SPIRE2: variants seen among roughly 807,000 people sequenced by gnomAD.
SPIRE2 encodes the protein protein spire homolog 2.
In SPIRE2, 76 loss-of-function variants were observed where a neutral mutation model predicts 80.7. That is an observed-to-expected ratio of 0.94 (90% CI 0.78 to 1.14). The LOEUF (loss-of-function observed/expected upper bound fraction) is 1.14, where lower values mean the gene tolerates loss of function less well. SPIRE2 is among the 50% of genes most tolerant of loss of function. The pLI, the probability that SPIRE2 is intolerant of heterozygous loss-of-function variation, is 0.00. For missense variants in SPIRE2, 1,196 were observed against 1,015.3 expected (o/e 1.18, Z -2.42); for synonymous variants, 535 against 432.6 (o/e 1.24, Z -2.94).
In SPIRE2 at chr16:89,858,515, C is replaced by T; in HGVS notation, c.1272+8C>T. ...GAGATGAATACATCTGAGGTCAGAA[C>T]CCATGGGGATTCCTGAAAAGAGACC... On this transcript the variant is annotated splice_region_variant and intron_variant, in intron 8 of 14. Coordinates refer to ENST00000378247, the MANE Select transcript of SPIRE2 (RefSeq NM_032451.2). The T allele has an allele frequency of 6.4e-7, 1 of 1,554,000 alleles. No homozygotes were observed. Among genetic ancestry groups the T allele is most frequent in the Non-Finnish European group, 8.7e-7 (1 of 1,150,312 alleles).
chr16:89,829,697 T>C (rs972217881), intron 1 of SPIRE2, among the ~76,000 whole-genome samples: 1 of 151,590 alleles, frequency 6.6e-6, no homozygotes, highest in Non-Finnish European at 1.5e-5. Flanking sequence ...CTTCACCAGG[T>C]CCTGCTCATC....
In SPIRE2 at chr16:89,831,608, A is replaced by G. The variant is rs1046968161; in HGVS notation, c.244+2814A>G. Reference sequence around the variant, plus strand: ...GAGACTGGGTTTCACTGTGTTAGCCAGAATGGTCTCGATCTCCTGACCTCA... The same window carrying G: ...GAGACTGGGTTTCACTGTGTTAGCCGGAATGGTCTCGATCTCCTGACCTCA... On this transcript the variant is annotated intron_variant, in intron 1 of 14. Transcript: ENST00000378247. Among the ~76,000 whole-genome samples, 15 of 150,442 alleles carry G rather than the reference A, an allele frequency of 1.0e-4. 1 individual carries two copies. The highest frequency in any genetic ancestry group is 1.9e-4 in the Non-Finnish European group (13 of 67,110).
intron 12 of SPIRE2, among the ~76,000 whole-genome samples, chr16:89,865,672 T>A (rs1014000333): frequency 6.6e-6 from 1 of 151,970 alleles, no homozygotes; most frequent in African/African-American, 2.4e-5. Context: ...CCAGACTGAA[T>A]AAAAAAGTAA....
At chr16:89,869,053 A>AAAAAAACAAACATATATAT in intron 13 of SPIRE2, among the ~76,000 whole-genome samples, 1 of 24,036 alleles carries the variant, frequency 4.2e-5, no homozygotes, top group African/African-American at 1.6e-4. Context: ...AAAAAAAAAA[A>AAAAAAACAAACATATATAT]ATATATATAT....
intron 7 of SPIRE2, 120 bp from the exon 8 acceptor site, chr16:89,858,218 C>T (rs2041710028): frequency 5.5e-6 from 6 of 1,083,350 alleles, no homozygotes; most frequent in Non-Finnish European, 7.8e-6. Context: ...CTGGCTAGCC[C>T]TCAGTTTCCC....
At chr16:89,854,400 C>T (rs528678783) in intron 4 of SPIRE2, 34 bp downstream of exon 4, 122 of 1,610,570 alleles carry the variant, frequency 7.6e-5, no homozygotes, top group African/African-American at 1.6e-4. Flanking sequence ...GGGCCACTGA[C>T]GCGGCCCAGC....
intron 1 of SPIRE2, among the ~76,000 whole-genome samples, chr16:89,835,099 A>G (rs2041433769): frequency 1.3e-5 from 2 of 149,288 alleles, no homozygotes; most frequent in African/African-American, 5.0e-5. Context: ...GCCGTCGTAG[A>G]AGCCTAGATA....
chr16:89,828,939 C>T lies in SPIRE2; in HGVS notation c.244+145C>T. 3 of 505,074 alleles carry T rather than the reference C, an allele frequency of 5.9e-6. No homozygotes were observed. Among genetic ancestry groups the T allele is most frequent in the Non-Finnish European group, 8.6e-6 (3 of 349,598 alleles). The allele number at this position is 505,074 out of a possible 1,614,324, so 31.3% of individuals were successfully genotyped here. A position where few individuals can be genotyped will look rare whatever the true frequency, so the allele number is the denominator to read the frequency against. ...CTCTGCGGGACCCGGAGCTCCCTCCCTCCCACTCTCCGTCCCTCTTTCCCT... is the reference window on the plus strand; with the variant it reads ...CTCTGCGGGACCCGGAGCTCCCTCCTTCCCACTCTCCGTCCCTCTTTCCCT... On this transcript the variant is annotated intron_variant, in intron 1 of 14. Coordinates refer to ENST00000378247, the MANE Select transcript of SPIRE2 (RefSeq NM_032451.2). The surrounding 1 kb of genome is among the most constrained non-coding windows in gnomAD (Gnocchi z 5.9).
chr16:89,850,625 C>A lies in SPIRE2; in HGVS notation c.610C>A (p.Arg204=). 7.4e-7 allele frequency: 1 copy of A among 1,345,474 alleles called. No individual in the cohort carries two copies. Among genetic ancestry groups the A allele is most frequent in the Non-Finnish European group, 9.7e-7 (1 of 1,031,976 alleles). 83.3% of individuals were successfully genotyped at this position (1,345,474 alleles called of 1,614,324 possible). ...GCTCTTCGTGGAGACGCTGGAGCTG[C>A]GGGCCTTCCTGGCCAGGGTCCGGGA... The part of the protein sequence containing the change: ...RALFVETLEL[R]AFLARVREAK... The change falls in exon 3 of 15, where the codon CGG becomes AGG. Residue 204 remains arginine, a synonymous_variant. Coordinates refer to ENST00000378247, the MANE Select transcript of SPIRE2 (RefSeq NM_032451.2).
At chr16:89,842,942 C>T (rs1034613489) in intron 1 of SPIRE2, among the ~76,000 whole-genome samples, 5 of 152,252 alleles carry the variant, frequency 3.3e-5, no homozygotes, top group African/African-American at 1.2e-4. Context: ...CTTCCTGGTT[C>T]TTGATGGCAT....
At chr16:89,840,422 T>TA (rs1384996062) in intron 1 of SPIRE2, among the ~76,000 whole-genome samples, 5 of 151,038 alleles carry the variant, frequency 3.3e-5, no homozygotes, top group Non-Finnish European at 7.4e-5. Context: ...GCTAATTTTT[T>TA]AGATTTTTAG....
intron 6 of SPIRE2, 43 bp from the exon 7 acceptor site, chr16:89,856,070 C>G (rs1397270512): frequency 5.0e-6 from 8 of 1,590,042 alleles, no homozygotes; most frequent in Non-Finnish European, 6.9e-6. Flanking sequence ...TTCCCCACCG[C>G]AGGTCCTGCT....
chr16:89,855,450 C>G, intron 5 of SPIRE2, 150 bp from the exon 6 acceptor site: 1 of 664,302 alleles, frequency 1.5e-6, no homozygotes, highest in Non-Finnish European at 2.6e-6. Context: ...GTGCGTTTAC[C>G]AGGGAAGCAG....
At chr16:89,838,340 G>T (rs1384324386) in intron 1 of SPIRE2, among the ~76,000 whole-genome samples, 1 of 151,984 alleles carries the variant, frequency 6.6e-6, no homozygotes, top group African/African-American at 2.4e-5. Context: ...CCACCACCAT[G>T]CCCAGCTAAT....
At chr16:89,850,219 G>T in intron 2 of SPIRE2, 85 bp from the exon 3 acceptor site, 1 of 1,136,230 alleles carries the variant, frequency 8.8e-7, no homozygotes, top group Non-Finnish European at 1.3e-6. Context: ...CTGGCCGGGT[G>T]CTGGGCCCTC....
intron 1 of SPIRE2, among the ~76,000 whole-genome samples, chr16:89,831,164 C>T (rs965920662): frequency 1.3e-5 from 2 of 150,462 alleles, no homozygotes; most frequent in Non-Finnish European, 3.0e-5. Flanking sequence ...CCACCTCGGC[C>T]TTCCAAAGTG....
intron 13 of SPIRE2, 91 bp from the exon 14 acceptor site, chr16:89,869,476 T>C (rs1437760955): frequency 2.4e-6 from 2 of 828,388 alleles, no homozygotes; most frequent in Admixed American, 4.0e-5. Flanking sequence ...GCCACGCAGG[T>C]CCCAGACTGG....
intron 12 of SPIRE2, among the ~76,000 whole-genome samples, chr16:89,867,587 A>G (rs77714004): frequency 7.2e-6 from 1 of 139,602 alleles, no homozygotes; most frequent in Admixed American, 7.2e-5. Context: ...TTTTACCACC[A>G]TTTTTTTTTT....
intron 1 of SPIRE2, among the ~76,000 whole-genome samples, chr16:89,838,449 G>A (rs1010844039): frequency 6.6e-6 from 1 of 152,016 alleles, no homozygotes; most frequent in Non-Finnish European, 1.5e-5. Context: ...CTCCCAAAGT[G>A]CTGGGATTAC....
Sources: gnomAD v4.1 joint callset for allele counts (sites outside exome capture counted in the v4.1 genomes callset) on GRCh38, gnomAD v4.1.1 for gene constraint, Gnocchi (gnomAD v3.1) non-coding constraint, MANE v1.5 for transcripts, NCBI Gene and HGNC (gene_info 2026-07-23, HGNC 2026-07-21) for gene names.